The following FOXO1 variants were observed in gnomAD, a reference collection of about 807,000 sequenced individuals.
FOXO1 encodes forkhead box protein O1.
FOXO1 carries 6 observed loss-of-function variants against 44.1 expected under a neutral mutation model. The ratio of observed to expected loss-of-function variants is 0.14; its 90% confidence interval spans 0.07 to 0.27. FOXO1 has a LOEUF of 0.27. FOXO1 is among the 10% of genes least tolerant of loss of function. The pLI is 1.00. For missense variants in FOXO1, 737 were observed against 888.8 expected (o/e 0.83, Z 2.17); for synonymous variants, 380 against 362.7 (o/e 1.05, Z -0.54).
chr13:40,660,741 G>A (rs557897361), intron 1 of FOXO1, among the ~76,000 whole-genome samples: 1 of 152,246 alleles, frequency 6.6e-6, no homozygotes, highest in South Asian at 2.1e-4. Flanking sequence ...GTTTACATGA[G>A]AATTAAAATG....
At chr13:40,639,879 G>C (rs1877292228) in intron 1 of FOXO1, among the ~76,000 whole-genome samples, 1 of 152,210 alleles carries the variant, frequency 6.6e-6, no homozygotes, top group African/African-American at 2.4e-5. Context: ...ACTGAGAACG[G>C]GAGAGAGCAA....
chr13:40,665,748 G>C lies in FOXO1; in HGVS notation c.465C>G (p.Ser155=). ...ACAGGTTGCCCCACGCGTTGCGGCG[G>C]GACGAGCTGCTCTTGCGCGGCTGCC... ...LAGQPRKSSS[S]RRNAWGNLSY... Residue 155 remains serine, a synonymous_variant, in exon 1 of 3, where the codon TCC becomes TCG. Transcript: ENST00000379561. 1 of 1,420,966 alleles carries C rather than the reference G, an allele frequency of 7.0e-7. No individual in the cohort carries two copies. Among genetic ancestry groups the C allele is most frequent in the Non-Finnish European group, 9.3e-7 (1 of 1,071,780 alleles). The allele number at this position is 1,420,966 out of a possible 1,614,324, so 88.0% of individuals were successfully genotyped here.
At position 40,567,336 on chromosome 13, in the gene FOXO1, T is replaced by C. The variant is rs371690782; in HGVS notation, c.631-6476A>G. 7.6e-3 allele frequency among the ~76,000 whole-genome samples: 1,157 copies of C among 152,306 alleles called. 12 individuals carry two copies. Among genetic ancestry groups the C allele is most frequent in the Middle Eastern group, 0.031 (9 of 294 alleles). On this transcript the variant is annotated intron_variant, in intron 1 of 2. Transcript: ENST00000379561. ...TTTGTATTTATTTCATAGTTTATTA[T>C]ATAAACTATGTATTTTATAGTTTAC...
intron 1 of FOXO1, among the ~76,000 whole-genome samples, chr13:40,654,322 T>TAAAAAAAAAAAAAAAAAAAAAAAAAAAAA: frequency 2.1e-5 from 1 of 48,198 alleles, no homozygotes; most frequent in African/African-American, 6.6e-5. Context: ...CTAAAAATAC[T>TAAAAAAAAAAAAAAAAAAAAAAAAAAAAA]AAAAAAAAAA....
chr13:40,615,538 T>C (rs1436658500), intron 1 of FOXO1, among the ~76,000 whole-genome samples: 1 of 95,948 alleles, frequency 1.0e-5, no homozygotes, highest in Non-Finnish European at 2.8e-5. Flanking sequence ...AATACATACA[T>C]ACATACATAC....
At chr13:40,659,088 G>A (rs1877950925) in intron 1 of FOXO1, among the ~76,000 whole-genome samples, 1 of 151,996 alleles carries the variant, frequency 6.6e-6, no homozygotes, top group Non-Finnish European at 1.5e-5. Flanking sequence ...CACTTTAGGT[G>A]GGCAGATCAC....
chr13:40,564,805 C>T (rs1441932515), intron 1 of FOXO1, among the ~76,000 whole-genome samples: 1 of 137,418 alleles, frequency 7.3e-6, no homozygotes, highest in African/African-American at 3.4e-5. Context: ...AGCCAATCTC[C>T]TCTCCACTAG....
rs146471778 is a variant in FOXO1, at chr13:40,560,176, T to C, written c.1315A>G (p.Ile439Val). Residue 439 changes from isoleucine to valine, a missense_variant, in exon 2 of 3, where the codon ATA becomes GTA. Physicochemically the swap from Ile to Val is conservative, Grantham distance 29 (BLOSUM62 3). Around this residue, in one of 7 missense-constraint regions of FOXO1, gnomAD observed 283 missense variants for 278.1 expected, o/e 1.02. Transcript: ENST00000379561. The surrounding 1 kb of genome is among the most constrained non-coding windows in gnomAD (Gnocchi z 5.1). ...GACTTATTGTCCTGAAGTGTTTGTATAGGCATCTGGGGCAAAGGGCTCATG... is the reference window on the plus strand; with the variant it reads ...GACTTATTGTCCTGAAGTGTTTGTACAGGCATCTGGGGCAAAGGGCTCATG... ...SSMSPLPQMP[I>V]QTLQDNKSSY... 55 of 1,614,074 alleles carry C rather than the reference T, an allele frequency of 3.4e-5. No homozygotes were observed. The highest frequency in any genetic ancestry group is 4.2e-5 in the Non-Finnish European group (50 of 1,180,034).
chr13:40,636,446 G>C (rs1204239947), intron 1 of FOXO1, among the ~76,000 whole-genome samples: 1 of 151,920 alleles, frequency 6.6e-6, no homozygotes. Flanking sequence ...AATATGAGAG[G>C]ACTGCTTGAG....
intron 1 of FOXO1, among the ~76,000 whole-genome samples, chr13:40,656,416 ATCTT>A (rs1398847692): frequency 1.3e-5 from 2 of 152,246 alleles, no homozygotes; most frequent in African/African-American, 2.4e-5. Context: ...TTTAATAGTA[ATCTT>A]TCTTTCTTTG....
chr13:40,608,208 A>AT (rs2137887561), intron 1 of FOXO1, among the ~76,000 whole-genome samples: 1 of 152,306 alleles, frequency 6.6e-6, no homozygotes, highest in Admixed American at 6.5e-5. Flanking sequence ...CTCCCTGGTA[A>AT]TTGTATTTCT....
chr13:40,611,809 C>T (rs1379874139), intron 1 of FOXO1, among the ~76,000 whole-genome samples: 1 of 152,190 alleles, frequency 6.6e-6, no homozygotes, highest in Non-Finnish European at 1.5e-5. Context: ...CAGTGGCTCA[C>T]GCCTGTAAAT....
At chr13:40,593,440 A>G (rs1014930676) in intron 1 of FOXO1, among the ~76,000 whole-genome samples, 3 of 152,202 alleles carry the variant, frequency 2.0e-5, no homozygotes, top group Non-Finnish European at 4.4e-5. Flanking sequence ...GGTTTCAAGC[A>G]CCAATTTACA....
chr13:40,627,998 C>T (rs772518148), intron 1 of FOXO1, among the ~76,000 whole-genome samples: 106 of 151,932 alleles, frequency 7.0e-4, no homozygotes, highest in South Asian at 1.5e-3. Flanking sequence ...GCAGGGGAAC[C>T]GTGTGTGTGT....
At chr13:40,649,166 A>G (rs2137931134) in intron 1 of FOXO1, among the ~76,000 whole-genome samples, 1 of 152,346 alleles carries the variant, frequency 6.6e-6, no homozygotes, top group Non-Finnish European at 1.5e-5. Flanking sequence ...GCACATGACT[A>G]AGTGGAAAGG....
intron 1 of FOXO1, among the ~76,000 whole-genome samples, chr13:40,604,464 A>G (rs1182594063): frequency 6.6e-6 from 1 of 151,346 alleles, no homozygotes; most frequent in Non-Finnish European, 1.5e-5. Flanking sequence ...TTATCTTCCC[A>G]TGTGCTATTT....
At position 40,588,821 on chromosome 13, in the gene FOXO1, T is replaced by C. The variant is rs529105401; in HGVS notation, c.631-27961A>G. Among the ~76,000 whole-genome samples the C allele has an allele frequency of 2.6e-5, 4 of 152,262 alleles. No homozygotes were observed. In the East Asian group the frequency reaches 5.8e-4, roughly 22 times the overall value. On this transcript the variant is annotated intron_variant, in intron 1 of 2. Coordinates refer to ENST00000379561, the MANE Select transcript of FOXO1 (RefSeq NM_002015.4). Reference sequence around the variant, plus strand: ...ACAAGTGATTTAAAAGTGTCACTGATTGACCAGGAGTGATGACTCACTCCT... The same window carrying C: ...ACAAGTGATTTAAAAGTGTCACTGACTGACCAGGAGTGATGACTCACTCCT...
At chr13:40,582,068 G>A (rs1015905386) in intron 1 of FOXO1, among the ~76,000 whole-genome samples, 1 of 152,136 alleles carries the variant, frequency 6.6e-6, no homozygotes, top group Admixed American at 6.5e-5. Context: ...CTTCATGTAT[G>A]AAATACAGGC....
At chr13:40,632,911 C>CAAAAAA in intron 1 of FOXO1, among the ~76,000 whole-genome samples, 1 of 64,096 alleles carries the variant, frequency 1.6e-5, no homozygotes, top group Non-Finnish European at 3.3e-5. Flanking sequence ...AACTCCATCT[C>CAAAAAA]AAAAAAAAAA....
Sources: allele counts gnomAD v4.1 joint callset (sites outside exome capture counted in the v4.1 genomes callset), GRCh38; gene constraint gnomAD v4.1.1; regional missense constraint gnomAD v4.1.1; non-coding constraint Gnocchi (gnomAD v3.1); transcripts MANE v1.5; gene names NCBI Gene and HGNC (gene_info 2026-07-23, HGNC 2026-07-21).